Variants in TMEM87A observed in about 807,000 individuals in gnomAD.
The protein encoded by TMEM87A is transmembrane protein 87A.
A neutral mutation model predicts 90.0 loss-of-function variants in TMEM87A; 50 were observed. The ratio of observed to expected loss-of-function variants is 0.56; its 90% CI spans 0.44 to 0.70. The LOEUF is 0.70. TMEM87A is among the 30% of genes least tolerant of loss of function. The probability of loss-of-function intolerance (pLI) is 0.00; values close to 1 mark genes in which losing one functional copy is unlikely to be tolerated. For missense variants in TMEM87A, 577 were observed against 660.5 expected (o/e 0.87, Z 1.39); for synonymous variants, 226 against 226.7 (o/e 1.00, Z 0.03).
At chr15:42,238,238 A>G (rs900596139) in intron 8 of TMEM87A, among the ~76,000 whole-genome samples, 3 of 152,048 alleles carry the variant, frequency 2.0e-5, no homozygotes, top group African/African-American at 7.2e-5. Context: ...GTTCAAGGCC[A>G]GTCTAGGCAA....
At chr15:42,261,129 C>G in intron 5 of TMEM87A, 67 bp downstream of exon 5, 1 of 1,558,260 alleles carries the variant, frequency 6.4e-7, no homozygotes, top group Admixed American at 1.8e-5. Flanking sequence ...ATGCAGTGAG[C>G]ACGGGTATCT....
At chr15:42,219,771 A>G in intron 16 of TMEM87A, 129 bp from the exon 17 acceptor site, 1 of 695,296 alleles carries the variant, frequency 1.4e-6, no homozygotes, top group Non-Finnish European at 2.3e-6. Flanking sequence ...TTTTATTTTA[A>G]GCTTCCTAAT....
intron 11 of TMEM87A, 91 bp from the exon 12 acceptor site, chr15:42,231,351 C>A: frequency 9.4e-7 from 1 of 1,063,900 alleles, no homozygotes; most frequent in Non-Finnish European, 1.3e-6. Context: ...TACATAATCA[C>A]TGGAAAGTTT....
At chr15:42,236,647 C>T (rs566973413) in intron 9 of TMEM87A, among the ~76,000 whole-genome samples, 5 of 152,310 alleles carry the variant, frequency 3.3e-5, no homozygotes, top group East Asian at 1.9e-4. Flanking sequence ...GCTCCCTCCC[C>T]GACCTGGCCC....
intron 17 of TMEM87A, among the ~76,000 whole-genome samples, chr15:42,218,640 G>A (rs1262722637): frequency 5.3e-5 from 8 of 152,012 alleles, no homozygotes; most frequent in Non-Finnish European, 1.2e-4. Context: ...TTTTAGATTC[G>A]ACGTAAGTGA....
chr15:42,267,130 A>C (rs1566943034), intron 3 of TMEM87A, among the ~76,000 whole-genome samples: 1 of 152,222 alleles, frequency 6.6e-6, no homozygotes, highest in Non-Finnish European at 1.5e-5. Flanking sequence ...TGAGATGAAG[A>C]GGGCAGGGTA....
chr15:42,247,330 C>T (rs1402167228), intron 6 of TMEM87A, among the ~76,000 whole-genome samples: 3 of 152,156 alleles, frequency 2.0e-5, no homozygotes, highest in Non-Finnish European at 2.9e-5. Flanking sequence ...GTTGCCATTG[C>T]TTTTGGTGTT....
In TMEM87A at chr15:42,211,103, T is replaced by C. The variant is rs1595697659; in HGVS notation, c.*605A>G. 6.6e-6 allele frequency: 1 copy of C among 152,610 alleles called. No homozygotes were observed. The highest frequency in any genetic ancestry group is 1.9e-4 in the East Asian group (1 of 5,172). 9.5% of individuals were successfully genotyped at this position (152,610 alleles called of 1,614,324 possible). A position where few individuals can be genotyped will look rare whatever the true frequency, so the allele number is the denominator to read the frequency against. Reference sequence around the variant, plus strand: ...AACAAAATTGCACTTGATTTTGCTTTTTTAAATGATCTGAATCATACTGTA... The same window carrying C: ...AACAAAATTGCACTTGATTTTGCTTCTTTAAATGATCTGAATCATACTGTA... On this transcript the variant is annotated 3_prime_UTR_variant, in exon 20 of 20. Coordinates refer to ENST00000389834, the MANE Select transcript of TMEM87A (RefSeq NM_015497.5).
At chr15:42,268,960 C>G in intron 2 of TMEM87A, among the ~76,000 whole-genome samples, 1 of 151,754 alleles carries the variant, frequency 6.6e-6, no homozygotes, top group Non-Finnish European at 1.5e-5. Flanking sequence ...GAACGAAAAG[C>G]AAACATGGCT....
intron 6 of TMEM87A, among the ~76,000 whole-genome samples, chr15:42,253,450 G>C (rs369056543): frequency 4.5e-4 from 68 of 152,052 alleles, no homozygotes; most frequent in Non-Finnish European, 7.9e-4. Flanking sequence ...AAATGCTTTT[G>C]GCAAACACAA....
chr15:42,230,057 C>T (rs1014808342), intron 12 of TMEM87A, among the ~76,000 whole-genome samples: 1 of 152,198 alleles, frequency 6.6e-6, no homozygotes, highest in Non-Finnish European at 1.5e-5. Flanking sequence ...AACTCCTGAG[C>T]TTAAAGCAAT....
chr15:42,232,002 G>A (rs375957495), intron 11 of TMEM87A: 2 of 678,114 alleles, frequency 2.9e-6, no homozygotes, highest in Non-Finnish European at 4.0e-6. Context: ...AGAGGACAGT[G>A]TGATTTGAAA....
rs370674309 is a variant in TMEM87A at position 42,254,581 on chromosome 15, C to T, written c.504+6377G>A. On this transcript the variant is annotated intron_variant, in intron 6 of 19. Transcript: ENST00000389834. ...ATGGAGGAAACTTAAATGCATATTA[C>T]TAACTGAAAGAAGCCAATCTAAAGA... is the stretch of plus-strand genomic sequence containing the variant. Among the ~76,000 whole-genome samples, 160 of 152,250 alleles carry T rather than the reference C, an allele frequency of 1.1e-3. 1 individual carries two copies. Among genetic ancestry groups the T allele is most frequent in the African/African-American group, 3.7e-3 (155 of 41,542 alleles).
At chr15:42,235,110 C>A (rs1042543146) in intron 10 of TMEM87A, among the ~76,000 whole-genome samples, 7 of 152,184 alleles carry the variant, frequency 4.6e-5, no homozygotes, top group African/African-American at 1.7e-4. Flanking sequence ...ATGATCTTGG[C>A]TCACTGCAAT....
At chr15:42,272,267 C>A in intron 1 of TMEM87A, 144 bp from the exon 2 acceptor site, 2 of 511,752 alleles carry the variant, frequency 3.9e-6, no homozygotes, top group Non-Finnish European at 7.0e-6. Flanking sequence ...CCTTTACTCA[C>A]CAATCACTGC....
At chr15:42,220,198 TG>T (rs1389631225) in intron 15 of TMEM87A, 63 bp from the exon 16 acceptor site, 1 of 1,242,068 alleles carries the variant, frequency 8.1e-7, no homozygotes, top group Admixed American at 2.3e-5. Flanking sequence ...CTATACCAGT[TG>T]CATTTTACAA....
chr15:42,227,680 T>C lies in TMEM87A; in HGVS notation c.1299+31A>G, dbSNP rs774629905. 38 of 1,589,742 alleles carry C rather than the reference T, an allele frequency of 2.4e-5. 1 individual carries two copies. In the Admixed American group the frequency reaches 4.2e-4, roughly 17 times the overall value. ...ACACCATCAGTTGTTTATAAGACAG[T>C]ACATTATTCATAAATGTGCTTATAA... On this transcript the variant is annotated intron_variant, in intron 14 of 19. Coordinates refer to ENST00000389834, the MANE Select transcript of TMEM87A (RefSeq NM_015497.5).
At chr15:42,237,147 G>A (rs2050784774) in intron 9 of TMEM87A, among the ~76,000 whole-genome samples, 1 of 152,070 alleles carries the variant, frequency 6.6e-6, no homozygotes, top group Non-Finnish European at 1.5e-5. Context: ...ATGTATAATG[G>A]TGCCTTAGAA....
At chr15:42,214,056 A>G (rs2050339948) in intron 19 of TMEM87A, among the ~76,000 whole-genome samples, 1 of 152,226 alleles carries the variant, frequency 6.6e-6, no homozygotes, top group Admixed American at 6.5e-5. Context: ...TGGATAACCT[A>G]GAACAAAATA....
Sources: allele counts gnomAD v4.1 joint callset (sites outside exome capture counted in the v4.1 genomes callset), GRCh38; gene constraint gnomAD v4.1.1; transcripts MANE v1.5; gene names NCBI Gene and HGNC (gene_info 2026-07-23, HGNC 2026-07-21).